The following TYW5 variants were observed in gnomAD, a reference collection of about 807,000 sequenced individuals.
The protein encoded by TYW5 is tRNA wybutosine-synthesizing protein 5.
TYW5 carries 36 observed loss-of-function variants against 44.4 expected under a neutral mutation model. The observed-to-expected ratio is 0.81, with a 90% CI of 0.62 to 1.07. The LOEUF is 1.07. TYW5 is among the 50% of genes least tolerant of loss of function. The probability of loss-of-function intolerance (pLI) is 0.00; values close to 1 mark genes in which losing one functional copy is unlikely to be tolerated. For missense variants in TYW5, 354 were observed against 365.7 expected (o/e 0.97, Z 0.26); for synonymous variants, 121 against 128.1 (o/e 0.94, Z 0.37).
chr2:199,940,230 T>A, intron 3 of TYW5, 97 bp from the exon 4 acceptor site: 3 of 1,110,418 alleles, frequency 2.7e-6, no homozygotes, highest in Non-Finnish European at 2.6e-6. Context: ...TCATAATAAT[T>A]AAAAGTAAAA....
intron 4 of TYW5, 101 bp downstream of exon 4, chr2:199,939,988 G>A (rs1199963413): frequency 5.5e-6 from 6 of 1,092,408 alleles, no homozygotes; most frequent in Non-Finnish European, 8.3e-6. Context: ...GGATAGAACA[G>A]GGAATATGTC....
At chr2:199,947,301 A>G (rs1230617391) in intron 2 of TYW5, 2 of 152,224 alleles carry the variant, frequency 1.3e-5, no homozygotes, top group African/African-American at 4.8e-5. Context: ...TGGGAACTTC[A>G]CATGCTCAGA....
chr2:199,949,756 G>A (rs533760536), intron 1 of TYW5, among the ~76,000 whole-genome samples: 1 of 152,218 alleles, frequency 6.6e-6, no homozygotes, highest in African/African-American at 2.4e-5. Flanking sequence ...TTGCTATGAT[G>A]AGTGCAAAAA....
intron 2 of TYW5, chr2:199,945,850 T>C (rs1446672846): frequency 6.6e-6 from 1 of 152,238 alleles, no homozygotes; most frequent in Non-Finnish European, 1.5e-5. Context: ...TGTCATAGCT[T>C]CTACTAAGCC....
At chr2:199,943,659 T>C in intron 3 of TYW5, 106 bp downstream of exon 3, 1 of 853,008 alleles carries the variant, frequency 1.2e-6, no homozygotes, top group Non-Finnish European at 1.8e-6. Context: ...TACGAATGTC[T>C]ATCAGAGACG....
At chr2:199,946,759 A>T (rs1037390374) in intron 2 of TYW5, 5 of 152,328 alleles carry the variant, frequency 3.3e-5, no homozygotes, top group Admixed American at 1.3e-4. Flanking sequence ...GGTAAATGCT[A>T]AAAATGACTA....
chr2:199,950,801 G>C (rs1240856265), intron 1 of TYW5, among the ~76,000 whole-genome samples: 2 of 152,164 alleles, frequency 1.3e-5, no homozygotes, highest in African/African-American at 4.8e-5. Context: ...AATGAAGAAA[G>C]GAGTGAATAC....
At chr2:199,955,349 C>G in intron 1 of TYW5, 44 bp downstream of exon 1, 1 of 1,601,414 alleles carries the variant, frequency 6.2e-7, no homozygotes, top group Non-Finnish European at 8.5e-7. Flanking sequence ...AAAGACGTGT[C>G]TCTCGCTGGT....
In TYW5 at chr2:199,929,344, AT is replaced by A. The variant is rs1273209245; in HGVS notation, c.*3722del. On this transcript the variant is annotated 3_prime_UTR_variant, in exon 8 of 8. Transcript: ENST00000354611. ...TAGAACTTAAAAGTATAATAAAAAA[AT>A]AAATAGAGACTACAACTTAGGTATA... Among the ~76,000 whole-genome samples, 4 of 151,672 alleles carry A rather than the reference AT, an allele frequency of 2.6e-5. No homozygotes were observed. The highest frequency in any genetic ancestry group is 4.8e-5 in the African/African-American group (2 of 41,308).
rs905273672 is a variant in TYW5, at chr2:199,932,215, T to C, written c.*852A>G. 4.6e-5 allele frequency: 7 copies of C among 152,200 alleles called. No homozygotes were observed. The highest frequency in any genetic ancestry group is 8.8e-5 in the Non-Finnish European group (6 of 68,042). 9.4% of individuals were successfully genotyped at this position (152,200 alleles called of 1,614,324 possible). A position where few individuals can be genotyped will look rare whatever the true frequency, so the allele number is the denominator to read the frequency against. ...CACCCTGTGAGGTCTATTAAGTTCC[T>C]ATACCAAATCCCAAACACTCTTGAA... is the stretch of plus-strand genomic sequence containing the variant. On this transcript the variant is annotated 3_prime_UTR_variant, in exon 8 of 8. Transcript: ENST00000354611.
intron 7 of TYW5, among the ~76,000 whole-genome samples, chr2:199,935,336 G>A (rs935257613): frequency 1.3e-5 from 2 of 151,572 alleles, no homozygotes; most frequent in Admixed American, 6.6e-5. Context: ...TGTTAATTTA[G>A]TTTATTCAGA....
At chr2:199,950,324 T>C (rs1376365254) in intron 1 of TYW5, among the ~76,000 whole-genome samples, 1 of 152,200 alleles carries the variant, frequency 6.6e-6, no homozygotes, top group African/African-American at 2.4e-5. Flanking sequence ...GTTCCCATTA[T>C]CCTCAATGTT....
At chr2:199,944,025 C>G (rs1012605801) in intron 2 of TYW5, 191 bp from the exon 3 acceptor site, 2 of 449,952 alleles carry the variant, frequency 4.4e-6, no homozygotes, top group Admixed American at 8.0e-5. Flanking sequence ...TTTACTTGAT[C>G]TAAGTTGTCT....
rs1386953724 is a variant in TYW5 at position 199,929,196 on chromosome 2, G to C, written c.*3871C>G. Among the ~76,000 whole-genome samples the C allele has an allele frequency of 9.0e-6, 1 of 110,732 alleles. No individual in the cohort carries two copies. Among genetic ancestry groups the C allele is most frequent in the African/African-American group, 3.2e-5 (1 of 31,364 alleles). 72.6% of individuals were successfully genotyped at this position (110,732 alleles called of 152,430 possible). On this transcript the variant is annotated 3_prime_UTR_variant, in exon 8 of 8. Coordinates refer to ENST00000354611, the MANE Select transcript of TYW5 (RefSeq NM_001039693.3). ...GAAAGAGACTACATCGTGGGGTTGG[G>C]GGAGGGGGAAGGGATAGCATTAGGA...
At chr2:199,953,173 A>C (rs148663264) in intron 1 of TYW5, among the ~76,000 whole-genome samples, 1 of 152,308 alleles carries the variant, frequency 6.6e-6, no homozygotes, top group Non-Finnish European at 1.5e-5. Context: ...AAATACAAAA[A>C]TTAGCCGGAC....
rs1043505668 is a variant in TYW5, at chr2:199,939,014, T to G, written c.405A>C (p.Pro135=). The G allele has an allele frequency of 1.2e-6, 2 of 1,613,708 alleles. No individual in the cohort carries two copies. The highest frequency in any genetic ancestry group is 4.5e-5 in the East Asian group (2 of 44,846). Residue 135 remains proline (P), a synonymous_variant, in exon 5 of 8, where the codon CCA becomes CCC. Coordinates refer to ENST00000354611, the MANE Select transcript of TYW5 (RefSeq NM_001039693.3). ...AGAACTGTTCCTCTTTGAAGAATTCTGGAAACTTAATATCTCCTTTCAACA... is the reference window on the plus strand; with the variant it reads ...AGAACTGTTCCTCTTTGAAGAATTCGGGAAACTTAATATCTCCTTTCAACA... The part of the protein sequence containing the change: ...FPLLKGDIKF[P]EFFKEEQFFS...
At chr2:199,940,154 A>T (rs2077452659) in intron 3 of TYW5, 21 bp from the exon 4 acceptor site, 1 of 1,610,174 alleles carries the variant, frequency 6.2e-7, no homozygotes, top group African/African-American at 1.3e-5. Context: ...CCAGAGAAAA[A>T]TAACATCAGC....
rs2077589021 is a variant in TYW5 at position 199,955,372 on chromosome 2, TG to T, written c.78+20del. ...GTCTCTCGCTGGTTTCTCGAGGTTC[TG>T]CCCCGCGCGAGGGCCTCACCTGTGG... On this transcript the variant is annotated intron_variant, in intron 1 of 7. Coordinates refer to ENST00000354611, the MANE Select transcript of TYW5 (RefSeq NM_001039693.3). 1 of 1,611,750 alleles carries T rather than the reference TG, an allele frequency of 6.2e-7. No individual in the cohort carries two copies. Among genetic ancestry groups the T allele is most frequent in the African/African-American group, 1.3e-5 (1 of 74,908 alleles).
intron 7 of TYW5, among the ~76,000 whole-genome samples, chr2:199,934,904 C>T (rs1243544889): frequency 6.6e-6 from 1 of 151,966 alleles, no homozygotes; most frequent in African/African-American, 2.4e-5. Context: ...CAAATCCAGA[C>T]TGTATAGAAA....
Sources: allele counts gnomAD v4.1 joint callset (sites outside exome capture counted in the v4.1 genomes callset), GRCh38; gene constraint gnomAD v4.1.1; transcripts MANE v1.5; gene names NCBI Gene and HGNC (gene_info 2026-07-23, HGNC 2026-07-21).